The following CEP112 variants were observed in gnomAD, a reference collection of about 807,000 sequenced individuals.
CEP112 encodes the protein centrosomal protein of 112 kDa.
CEP112 carries 127 observed loss-of-function variants against 153.0 expected under a neutral mutation model. That is an observed-to-expected ratio of 0.83 (90% CI 0.72 to 0.96). The LOEUF is 0.96. Ranked by LOEUF, CEP112 falls within the 40% of genes least tolerant of loss-of-function variation. CEP112 has a pLI of 0.00. For synonymous variants in CEP112, 358 were observed against 374.4 expected, an observed-to-expected ratio of 0.96 and a Z score of 0.51; for missense variants, 1,089 against 1,101.2, an observed-to-expected ratio of 0.99 and a Z score of 0.16.
chr17:65,741,602 C>G (rs2051144333), intron 23 of CEP112, among the ~76,000 whole-genome samples: 1 of 151,320 alleles, frequency 6.6e-6, no homozygotes. Flanking sequence ...ATAATTCTTT[C>G]AAGATTTTTT....
At chr17:66,059,820 C>G (rs1195358150) in intron 11 of CEP112, among the ~76,000 whole-genome samples, 1 of 152,156 alleles carries the variant, frequency 6.6e-6, no homozygotes, top group Non-Finnish European at 1.5e-5. Flanking sequence ...GAAAATAAGT[C>G]ATTCTACAAA....
At position 65,680,807 on chromosome 17, in the gene CEP112, G is replaced by A. The variant is rs151072166; in HGVS notation, c.2697+8322C>T. ...CAGAAAACTTACAATCATGGCGGAA[G>A]GGGAAGCAGGCACCTTCTTCACAAG... On this transcript the variant is annotated intron_variant, in intron 24 of 26. Transcript: ENST00000535342. 4.6e-3 allele frequency among the ~76,000 whole-genome samples: 703 copies of A among 152,316 alleles called. 6 individuals carry two copies. The highest frequency in any genetic ancestry group is 0.016 in the African/African-American group (667 of 41,564).
intron 12 of CEP112, among the ~76,000 whole-genome samples, chr17:66,042,265 A>C (rs1226043424): frequency 6.6e-6 from 1 of 152,120 alleles, no homozygotes; most frequent in East Asian, 1.9e-4. Flanking sequence ...CAGGAGAATC[A>C]CCTGAACCCA....
At chr17:66,179,744 G>A (rs910545036) in intron 2 of CEP112, among the ~76,000 whole-genome samples, 13 of 152,182 alleles carry the variant, frequency 8.5e-5, no homozygotes, top group African/African-American at 3.1e-4. Context: ...AGCGGTGAAA[G>A]TGGTCAACCT....
At chr17:66,124,725 A>G (rs997820844) in intron 6 of CEP112, among the ~76,000 whole-genome samples, 3 of 152,152 alleles carry the variant, frequency 2.0e-5, no homozygotes, top group Admixed American at 1.3e-4. Flanking sequence ...AAAAAAACAC[A>G]AACAGAAAAC....
intron 20 of CEP112, among the ~76,000 whole-genome samples, chr17:65,864,911 C>T (rs1207492665): frequency 2.3e-5 from 3 of 130,026 alleles, no homozygotes; most frequent in African/African-American, 9.0e-5. Context: ...TAGGGGTAAG[C>T]AAGTGTGTGT....
intron 6 of CEP112, among the ~76,000 whole-genome samples, chr17:66,103,939 C>T (rs1033060294): frequency 6.6e-6 from 1 of 152,158 alleles, no homozygotes; most frequent in Non-Finnish European, 1.5e-5. Flanking sequence ...TTTAGACCAA[C>T]CCTAGCCAGA....
intron 10 of CEP112, among the ~76,000 whole-genome samples, chr17:66,064,783 T>C (rs2067052730): frequency 6.6e-6 from 1 of 152,162 alleles, no homozygotes; most frequent in South Asian, 2.1e-4. Flanking sequence ...CATGTTTGAA[T>C]TACCTATTTT....
At chr17:65,914,380 A>T (rs2060397585) in intron 19 of CEP112, among the ~76,000 whole-genome samples, 1 of 151,792 alleles carries the variant, frequency 6.6e-6, no homozygotes, top group African/African-American at 2.4e-5. Context: ...CTTCCAATAT[A>T]TAGCACTGTG....
At chr17:66,048,877 G>C (rs2066324454) in intron 12 of CEP112, among the ~76,000 whole-genome samples, 1 of 152,098 alleles carries the variant, frequency 6.6e-6, no homozygotes, top group African/African-American at 2.4e-5. Context: ...CCAAAATATT[G>C]GGATTACAGG....
At chr17:65,690,015 T>A (rs1481989835) in intron 23 of CEP112, among the ~76,000 whole-genome samples, 2 of 146,364 alleles carry the variant, frequency 1.4e-5, no homozygotes, top group African/African-American at 5.1e-5. Flanking sequence ...GGTGCCAAAT[T>A]CACAAAATTC....
intron 23 of CEP112, among the ~76,000 whole-genome samples, chr17:65,730,991 G>A (rs1002676405): frequency 2.6e-5 from 4 of 151,956 alleles, no homozygotes; most frequent in Admixed American, 6.5e-5. Context: ...CTTTCAATAC[G>A]CTAGCTTCAA....
rs144305706 is a variant in CEP112 at position 65,750,713 on chromosome 17, C to T, written c.2406G>A (p.Lys802=). Residue 802 remains lysine (K), a synonymous_variant, in exon 22 of 27, where the codon AAG becomes AAA. Transcript: ENST00000535342. ...TGTATTCCTTCTCAATCTGCTTCAG[C>T]TTGCTGTTGGCCTGAAAAACACATG... is the stretch of plus-strand genomic sequence containing the variant. ...TEMTLEKANS[K]LKQIEKEYTQ... 2.9e-3 allele frequency: 4,655 copies of T among 1,613,954 alleles called. 31 individuals carry two copies. The highest frequency in any genetic ancestry group is 3.9e-3 in the South Asian group (356 of 91,082).
chr17:65,703,968 T>A (rs2048774297), intron 23 of CEP112, among the ~76,000 whole-genome samples: 1 of 151,958 alleles, frequency 6.6e-6, no homozygotes, highest in South Asian at 2.1e-4. Flanking sequence ...CATGTTGAAG[T>A]CCTAATCCCC....
At chr17:65,802,840 T>C (rs2055362441) in intron 21 of CEP112, among the ~76,000 whole-genome samples, 1 of 152,204 alleles carries the variant, frequency 6.6e-6, no homozygotes, top group Admixed American at 6.5e-5. Context: ...CATCAATATA[T>C]TCCTCTTCCC....
intron 1 of CEP112, among the ~76,000 whole-genome samples, chr17:66,186,356 T>G (rs2072935811): frequency 6.6e-6 from 1 of 152,016 alleles, no homozygotes; most frequent in African/African-American, 2.4e-5. Flanking sequence ...GGCTGGAGTG[T>G]AGTGGCACGA....
chr17:65,976,724 T>G (rs12449879), intron 17 of CEP112, among the ~76,000 whole-genome samples: 58,608 of 141,518 alleles, frequency 0.41, 13,191 homozygotes, highest in East Asian at 0.86. Context: ...AAAGTAAACT[T>G]ATAACTTTTT....
At chr17:65,992,023 T>TA (rs11289087) in intron 17 of CEP112, among the ~76,000 whole-genome samples, 28 of 148,458 alleles carry the variant, frequency 1.9e-4, no homozygotes, top group Middle Eastern at 3.5e-3. Context: ...AATGTTCCAT[T>TA]AAAAAAAAAA....
At chr17:66,168,459 A>G (rs1337740336) in intron 4 of CEP112, among the ~76,000 whole-genome samples, 1 of 137,190 alleles carries the variant, frequency 7.3e-6, no homozygotes, top group East Asian at 1.9e-4. Flanking sequence ...GTATATATGT[A>G]TATGTGTGTG....
Sources: gnomAD v4.1 joint callset for allele counts (sites outside exome capture counted in the v4.1 genomes callset) on GRCh38, gnomAD v4.1.1 for gene constraint, MANE v1.5 for transcripts, NCBI Gene and HGNC (gene_info 2026-07-23, HGNC 2026-07-21) for gene names.